PLCB4: variants seen among roughly 807,000 people sequenced by gnomAD.
PLCB4 encodes the protein phospholipase C beta 4, also known as 1-phosphatidylinositol 4,5-bisphosphate phosphodiesterase beta-4.
A neutral mutation model predicts 178.8 loss-of-function variants in PLCB4; 77 were observed. The observed-to-expected ratio is 0.43, with a 90% CI of 0.36 to 0.52. PLCB4 has a LOEUF of 0.52. PLCB4 is among the 20% of genes least tolerant of loss of function. The probability of loss-of-function intolerance (pLI) is 0.00; values close to 1 mark genes in which losing one functional copy is unlikely to be tolerated. For missense variants in PLCB4, 1,024 were observed against 1,453.4 expected (o/e 0.70, Z 4.80); for synonymous variants, 496 against 490.8 (o/e 1.01, Z -0.14).
chr20:9,442,414 C>T (rs542959443), intron 30 of PLCB4, among the ~76,000 whole-genome samples: 1 of 151,776 alleles, frequency 6.6e-6, no homozygotes, highest in African/African-American at 2.4e-5. Context: ...TTATGGGAAT[C>T]AACATTTTTA....
chr20:9,152,194 G>T (rs1248619257), intron 2 of PLCB4, among the ~76,000 whole-genome samples: 1 of 152,106 alleles, frequency 6.6e-6, no homozygotes, highest in African/African-American at 2.4e-5. Flanking sequence ...TGACAGAAAA[G>T]AAAAACCCAT....
chr20:9,330,129 C>T (rs192253222), intron 4 of PLCB4, among the ~76,000 whole-genome samples: 83 of 152,330 alleles, frequency 5.4e-4, no homozygotes, highest in African/African-American at 1.8e-3. Flanking sequence ...CATAAAGCAT[C>T]TCTTGGGCTC....
chr20:9,200,880 A>T (rs2093535356), intron 2 of PLCB4, among the ~76,000 whole-genome samples: 1 of 152,158 alleles, frequency 6.6e-6, no homozygotes, highest in Admixed American at 6.5e-5. Flanking sequence ...GCTTGCTAGG[A>T]ATGCAATAAA....
chr20:9,354,667 A>G (rs769318105), intron 7 of PLCB4, among the ~76,000 whole-genome samples: 1 of 152,230 alleles, frequency 6.6e-6, no homozygotes, highest in Non-Finnish European at 1.5e-5. Flanking sequence ...GGAGTTCTTC[A>G]TGGTATTCAA....
At position 9,313,032 on chromosome 20, in the gene PLCB4, G is replaced by A. The variant is rs193010648; in HGVS notation, c.84+5134G>A. The stretch of plus-strand genomic sequence containing the variant: ...TTCTATAGAAGTAAATCATTCTTAG[G>A]TATGCCTCTTCAATCATGCTTTGAT... On this transcript the variant is annotated intron_variant, in intron 4 of 39. Coordinates refer to ENST00000378473, the MANE Select transcript of PLCB4 (RefSeq NM_001377142.1). Among the ~76,000 whole-genome samples the A allele has an allele frequency of 9.1e-4, 139 of 152,234 alleles. 1 individual carries two copies. The Middle Eastern group carries it at 0.017, about 19-fold the overall frequency.
chr20:9,471,914 A>G (rs2044217524), intron 36 of PLCB4, among the ~76,000 whole-genome samples: 1 of 152,170 alleles, frequency 6.6e-6, no homozygotes, highest in Admixed American at 6.6e-5. Flanking sequence ...GAAGATATGC[A>G]CCATACTTCA....
chr20:9,309,546 C>A (rs1417784963), intron 4 of PLCB4, among the ~76,000 whole-genome samples: 1 of 152,158 alleles, frequency 6.6e-6, no homozygotes, highest in Non-Finnish European at 1.5e-5. Flanking sequence ...TTTTACTTAT[C>A]TTTTTCTCTC....
chr20:9,095,308 G>A (rs551131652), intron 1 of PLCB4, among the ~76,000 whole-genome samples: 4 of 152,308 alleles, frequency 2.6e-5, no homozygotes, highest in Middle Eastern at 3.4e-3. Flanking sequence ...TTGAATTTAT[G>A]CATTGGCGGT....
intron 7 of PLCB4, among the ~76,000 whole-genome samples, chr20:9,354,794 G>A (rs1313515778): frequency 6.6e-6 from 1 of 152,182 alleles, no homozygotes; most frequent in African/African-American, 2.4e-5. Flanking sequence ...TGTTAGAAAT[G>A]CAGAATCTCA....
chr20:9,407,343 C>T (rs1337388127), intron 21 of PLCB4, among the ~76,000 whole-genome samples: 1 of 150,988 alleles, frequency 6.6e-6, no homozygotes, highest in Non-Finnish European at 1.5e-5. Context: ...TATTTCATAG[C>T]ATTGCTGTGA....
intron 3 of PLCB4, among the ~76,000 whole-genome samples, chr20:9,225,224 T>C (rs1211396995): frequency 6.6e-6 from 1 of 152,172 alleles, no homozygotes; most frequent in Non-Finnish European, 1.5e-5. Flanking sequence ...TAAATATACA[T>C]AATATTAATT....
intron 14 of PLCB4, among the ~76,000 whole-genome samples, chr20:9,386,796 C>G (rs2148390464): frequency 7.0e-6 from 1 of 143,702 alleles, no homozygotes; most frequent in South Asian, 2.3e-4. Context: ...TCTCCTAATG[C>G]TATCCCTCCC....
At chr20:9,307,236 C>T (rs1265760470) in intron 3 of PLCB4, among the ~76,000 whole-genome samples, 3 of 152,024 alleles carry the variant, frequency 2.0e-5, no homozygotes, top group South Asian at 2.1e-4. Context: ...TTGTTCCCCA[C>T]GTGGCCCAAG....
chr20:9,270,412 G>T (rs1251649597), intron 3 of PLCB4, among the ~76,000 whole-genome samples: 2 of 152,088 alleles, frequency 1.3e-5, no homozygotes, highest in African/African-American at 4.8e-5. Flanking sequence ...TTTCCAGAAT[G>T]TCATGGAAAG....
intron 13 of PLCB4, 23 bp downstream of exon 13, chr20:9,380,185 T>A: frequency 8.5e-7 from 1 of 1,177,376 alleles, no homozygotes; most frequent in Non-Finnish European, 1.2e-6. Context: ...AAAAAAGGAC[T>A]TAAAAAAAAA....
intron 2 of PLCB4, among the ~76,000 whole-genome samples, chr20:9,184,708 G>A (rs1436220625): frequency 2.7e-5 from 4 of 150,892 alleles, no homozygotes; most frequent in African/African-American, 7.3e-5. Context: ...ACTATGAACC[G>A]ATTTATGAGC....
intron 3 of PLCB4, among the ~76,000 whole-genome samples, chr20:9,252,996 G>A (rs2094197413): frequency 6.6e-6 from 1 of 152,168 alleles, no homozygotes; most frequent in African/African-American, 2.4e-5. Context: ...GTGATCATGT[G>A]AGCCAATCAG....
At chr20:9,202,800 T>G (rs921168645) in intron 2 of PLCB4, among the ~76,000 whole-genome samples, 5 of 151,986 alleles carry the variant, frequency 3.3e-5, no homozygotes, top group Non-Finnish European at 7.4e-5. Context: ...GAGCAGGCTG[T>G]TTTTCAAAGA....
At position 9,127,138 on chromosome 20, in the gene PLCB4, A is replaced by T. The variant is rs900039969; in HGVS notation, c.-79+30796A>T. Among the ~76,000 whole-genome samples, 4 of 152,112 alleles carry T rather than the reference A, an allele frequency of 2.6e-5. No individual in the cohort carries two copies. In the South Asian group the frequency reaches 8.3e-4, roughly 32 times the overall value. The stretch of plus-strand genomic sequence containing the variant: ...AACCCTTTTCAGAAATCATAGACAG[A>T]AGTAGAAGGGCGGTGTTAAAGCAAT... On this transcript the variant is annotated intron_variant, in intron 2 of 39. Transcript: ENST00000378473.
Sources: gnomAD v4.1 joint callset for allele counts (sites outside exome capture counted in the v4.1 genomes callset) on GRCh38, gnomAD v4.1.1 for gene constraint, MANE v1.5 for transcripts, NCBI Gene and HGNC (gene_info 2026-07-23, HGNC 2026-07-21) for gene names.